STAG1: variants seen among roughly 807,000 people sequenced by gnomAD.
STAG1 encodes the protein STAG1 cohesin complex component.
In STAG1, 26 loss-of-function variants were observed where a neutral mutation model predicts 170.9. That is an observed-to-expected ratio of 0.15 (90% CI 0.11 to 0.21). STAG1 has a LOEUF of 0.21. Ranked by LOEUF, STAG1 falls within the 10% of genes least tolerant of loss-of-function variation. STAG1 has a pLI of 1.00. For synonymous variants in STAG1, 514 were observed against 497.7 expected, an observed-to-expected ratio of 1.03 and a Z score of -0.44; for missense variants, 964 against 1,509.5, an observed-to-expected ratio of 0.64 and a Z score of 5.99.
intron 7 of STAG1, among the ~76,000 whole-genome samples, chr3:136,517,038 C>G (rs1273445549): frequency 6.6e-6 from 1 of 152,146 alleles, no homozygotes; most frequent in Non-Finnish European, 1.5e-5. Flanking sequence ...ATGTCATTTC[C>G]TTCCTCAGAG....
At chr3:136,518,503 A>C (rs1171713334) in intron 7 of STAG1, 2 of 643,948 alleles carry the variant, frequency 3.1e-6, no homozygotes, top group African/African-American at 3.6e-5. Flanking sequence ...ATGAGAACAA[A>C]ATGTCCTTGA....
intron 22 of STAG1, among the ~76,000 whole-genome samples, chr3:136,383,251 C>T (rs1436586749): frequency 6.6e-6 from 1 of 151,762 alleles, no homozygotes; most frequent in Non-Finnish European, 1.5e-5. Flanking sequence ...ACTCTTAATG[C>T]CCCTTAAAGA....
At chr3:136,709,686 A>C (rs1943331969) in intron 1 of STAG1, among the ~76,000 whole-genome samples, 1 of 152,090 alleles carries the variant, frequency 6.6e-6, no homozygotes, top group South Asian at 2.1e-4. Context: ...AGTAAGTTAT[A>C]ACCAAGCCAC....
chr3:136,597,282 T>C (rs1938471363), intron 4 of STAG1, among the ~76,000 whole-genome samples: 1 of 152,198 alleles, frequency 6.6e-6, no homozygotes, highest in Non-Finnish European at 1.5e-5. Flanking sequence ...TTTAATGTTA[T>C]ATTCTTAGTA....
chr3:136,460,709 C>T (rs2089250803), intron 13 of STAG1, among the ~76,000 whole-genome samples: 1 of 151,342 alleles, frequency 6.6e-6, no homozygotes, highest in African/African-American at 2.4e-5. Flanking sequence ...AAGCCCGGTA[C>T]CTGATGGCTT....
chr3:136,517,766 C>T (rs1459015188), intron 7 of STAG1, among the ~76,000 whole-genome samples: 1 of 151,962 alleles, frequency 6.6e-6, no homozygotes, highest in Non-Finnish European at 1.5e-5. Context: ...ACTACTATGT[C>T]CCACTGAGAT....
chr3:136,351,991 T>A (rs1426647297), intron 28 of STAG1, among the ~76,000 whole-genome samples: 1 of 152,048 alleles, frequency 6.6e-6, no homozygotes, highest in Non-Finnish European at 1.5e-5. Flanking sequence ...AGCAAAGACA[T>A]CAGAGGCTGC....
intron 13 of STAG1, among the ~76,000 whole-genome samples, chr3:136,461,933 G>C (rs2089285492): frequency 6.6e-6 from 1 of 151,816 alleles, no homozygotes. Flanking sequence ...GTGGCCAACT[G>C]GTATACAAAA....
At chr3:136,586,275 C>T (rs1197284221) in intron 4 of STAG1, among the ~76,000 whole-genome samples, 1 of 151,590 alleles carries the variant, frequency 6.6e-6, no homozygotes, top group African/African-American at 2.4e-5. Flanking sequence ...CACACACACA[C>T]ATCATAATCA....
At chr3:136,422,918 C>CA (rs771565672) in intron 17 of STAG1, 34 bp downstream of exon 17, 4 of 1,588,040 alleles carry the variant, frequency 2.5e-6, no homozygotes, top group Non-Finnish European at 3.4e-6. Flanking sequence ...AAAGCAAACT[C>CA]AGTGACATAA....
chr3:136,365,899 A>G (rs972425245), intron 25 of STAG1, among the ~76,000 whole-genome samples: 1 of 151,654 alleles, frequency 6.6e-6, no homozygotes, highest in Admixed American at 6.6e-5. Flanking sequence ...ACAGGTAGGC[A>G]TATTTATGCT....
At chr3:136,548,427 CT>C (rs1411364184) in intron 5 of STAG1, among the ~76,000 whole-genome samples, 2 of 152,120 alleles carry the variant, frequency 1.3e-5, no homozygotes, top group Non-Finnish European at 1.5e-5. Flanking sequence ...GTTTTAACTA[CT>C]GTACTTTTGT....
intron 1 of STAG1, among the ~76,000 whole-genome samples, chr3:136,651,290 C>T (rs1006748121): frequency 1.3e-5 from 2 of 150,740 alleles, no homozygotes; most frequent in African/African-American, 2.4e-5. Context: ...TGCTTGAGCC[C>T]GGGAAGTCAA....
At chr3:136,546,624 CCTTT>C (rs1238495053) in intron 5 of STAG1, among the ~76,000 whole-genome samples, 1 of 152,148 alleles carries the variant, frequency 6.6e-6, no homozygotes, top group East Asian at 1.9e-4. Flanking sequence ...GAACTCTTCT[CCTTT>C]CTAATTAATG....
intron 8 of STAG1, among the ~76,000 whole-genome samples, chr3:136,501,126 T>C (rs926513152): frequency 3.3e-5 from 5 of 152,194 alleles, no homozygotes; most frequent in Non-Finnish European, 5.9e-5. Flanking sequence ...TGCAAAATCA[T>C]TCAAATTTCT....
intron 1 of STAG1, among the ~76,000 whole-genome samples, chr3:136,739,265 C>T (rs1296055062): frequency 1.3e-5 from 2 of 151,118 alleles, no homozygotes; most frequent in Non-Finnish European, 3.0e-5. Context: ...CAACTATAAT[C>T]CCAGCATTTT....
chr3:136,378,690 T>C (rs1337222239), intron 22 of STAG1, among the ~76,000 whole-genome samples: 1 of 152,104 alleles, frequency 6.6e-6, no homozygotes, highest in Non-Finnish European at 1.5e-5. Context: ...ATTTATCGAG[T>C]GCTTACAACC....
chr3:136,368,535 AAAC>A (rs34744838), intron 24 of STAG1, among the ~76,000 whole-genome samples: 26,423 of 152,064 alleles, frequency 0.17, 3,252 homozygotes, highest in East Asian at 0.52. Flanking sequence ...AGCCAATTAG[AAAC>A]AACATCTATC....
Position 136,672,053 on chromosome 3 carries a change from G to T in STAG1, c.-83-41072C>A, listed in dbSNP as rs144614028. Among the ~76,000 whole-genome samples the T allele has an allele frequency of 2.1e-3, 313 of 152,178 alleles. 1 individual carries two copies. The highest frequency in any genetic ancestry group is 7.2e-3 in the African/African-American group (297 of 41,528). The stretch of plus-strand genomic sequence containing the variant: ...TAACCAATCCACCAATAAATTTCTG[G>T]AGTTTCACTCAAATAAATATCCAGA... On this transcript the variant is annotated intron_variant, in intron 1 of 33. Coordinates refer to ENST00000383202, the MANE Select transcript of STAG1 (RefSeq NM_005862.3).
Sources: allele counts gnomAD v4.1 joint callset (sites outside exome capture counted in the v4.1 genomes callset), GRCh38; gene constraint gnomAD v4.1.1; transcripts MANE v1.5; gene names NCBI Gene and HGNC (gene_info 2026-07-23, HGNC 2026-07-21).